Variants in PBXIP1 observed in about 807,000 individuals in gnomAD.
PBXIP1 encodes pre-B-cell leukemia transcription factor-interacting protein 1.
PBXIP1 carries 73 observed loss-of-function variants against 73.7 expected under a neutral mutation model. That is an observed-to-expected ratio of 0.99 (90% CI 0.82 to 1.20). The LOEUF (loss-of-function observed/expected upper bound fraction) is 1.20. Among genes scored for constraint, PBXIP1 ranks in the 50% most tolerant of loss-of-function variants. The pLI is 0.00. For missense variants in PBXIP1, 818 were observed against 911.4 expected (o/e 0.90, Z 1.32); for synonymous variants, 330 against 366.9 (o/e 0.90, Z 1.15).
At position 154,951,673 on chromosome 1, in the gene PBXIP1, C is replaced by A; in HGVS notation, c.178+122G>T. On this transcript the variant is annotated intron_variant, in intron 3 of 10. Transcript: ENST00000368463. This position sits in a 1 kb window ranked among gnomAD's most constrained non-coding sequence, Gnocchi z 4.3. ...GGATGGAATGAGAAAAGGAGTTTGT[C>A]AACTGAGATTAATGGAGGAACTAAA... The A allele has an allele frequency of 7.0e-7, 1 of 1,420,634 alleles. No homozygotes were observed. Among genetic ancestry groups the A allele is most frequent in the South Asian group, 1.2e-5 (1 of 84,464 alleles). 88.0% of individuals were successfully genotyped at this position (1,420,634 alleles called of 1,614,324 possible).
intron 5 of PBXIP1, 45 bp from the exon 6 acceptor site, chr1:154,948,411 T>A (rs914310320): frequency 1.5e-6 from 2 of 1,358,686 alleles, no homozygotes; most frequent in African/African-American, 2.9e-5. Context: ...ACTGGAGAGA[T>A]GGGGAGACAC....
intron 10 of PBXIP1, 69 bp from the exon 11 acceptor site, chr1:154,945,186 A>T: frequency 2.6e-6 from 3 of 1,149,640 alleles, no homozygotes; most frequent in African/African-American, 1.5e-5. Context: ...AGGAGAGAGG[A>T]CCCTGCTCCT....
Position 154,947,511 on chromosome 1 carries a change from G to A in PBXIP1, c.776C>T (p.Pro259Leu), listed in dbSNP as rs1203946852. The A allele has an allele frequency of 3.7e-6, 6 of 1,610,230 alleles. No homozygotes were observed. The highest frequency in any genetic ancestry group is 5.1e-6 in the Non-Finnish European group (6 of 1,177,506). ...LREQLQAPVP[P>L]DSVPSLQNMG... The stretch of plus-strand genomic sequence containing the variant: ...GTTTTGCAGGCTGGGGACACTGTCA[G>A]GAGGCACTGGGGCCTGCAGCTGTTC... Residue 259 changes from proline to leucine, a missense_variant, in exon 9 of 11, where the codon CCT becomes CTT. Transcript: ENST00000368463.
intron 1 of PBXIP1, among the ~76,000 whole-genome samples, chr1:154,954,186 G>A (rs1310651790): frequency 2.0e-5 from 3 of 152,140 alleles, no homozygotes; most frequent in Admixed American, 1.3e-4. Context: ...CACAACACCA[G>A]GTACCTACAC....
chr1:154,947,864 A>T, intron 7 of PBXIP1, 118 bp downstream of exon 7: 3 of 1,365,058 alleles, frequency 2.2e-6, no homozygotes, highest in Non-Finnish European at 3.1e-6. Flanking sequence ...CACCCTGAAC[A>T]GCTGACAAGG....
At chr1:154,945,224 C>T (rs945518085) in intron 10 of PBXIP1, 107 bp from the exon 11 acceptor site, 46 of 813,880 alleles carry the variant, frequency 5.7e-5, no homozygotes, top group Non-Finnish European at 9.1e-5. Context: ...GAGCAGGCAC[C>T]ACCAAGCATA....
At position 154,946,133 on chromosome 1, in the gene PBXIP1, G is replaced by C; in HGVS notation, c.1541C>G (p.Ala514Gly). ...TGGCCTGCCCTCCTTCCACCTTCCT[G>C]CTGGCTCCCTGTCCTCCTGACCTCC... The part of the protein sequence containing the change: ...NWGGQEDREP[A>G]GRWKEGRPRV... Residue 514 changes from alanine (A) to glycine (G), a missense_variant, in exon 10 of 11, where the codon GCA (alanine) becomes GGA (glycine). Physicochemically the swap from Ala to Gly is moderately conservative, Grantham distance 60. Transcript: ENST00000368463. 6.2e-7 allele frequency: 1 copy of C among 1,614,036 alleles called. No individual in the cohort carries two copies. The highest frequency in any genetic ancestry group is 1.1e-5 in the South Asian group (1 of 91,080).
At chr1:154,948,691 T>C (rs898961284) in intron 5 of PBXIP1, among the ~76,000 whole-genome samples, 1 of 152,160 alleles carries the variant, frequency 6.6e-6, no homozygotes, top group African/African-American at 2.4e-5. Flanking sequence ...CCAAACTCTC[T>C]GGCCACTCCT....
At position 154,951,023 on chromosome 1, in the gene PBXIP1, T is replaced by C. The variant is rs996465820; in HGVS notation, c.409+209A>G. The stretch of plus-strand genomic sequence containing the variant: ...CAGAGAGGAAAGAGTCAACCAGATG[T>C]GGGCCCTGCCCCTTACCAGCAGTGT... On this transcript the variant is annotated intron_variant, in intron 5 of 10. Coordinates refer to ENST00000368463, the MANE Select transcript of PBXIP1 (RefSeq NM_020524.4). This position sits in a 1 kb window ranked among gnomAD's most constrained non-coding sequence, Gnocchi z 4.3. Among the ~76,000 whole-genome samples the C allele has an allele frequency of 6.6e-6, 1 of 152,254 alleles. No homozygotes were observed. Among genetic ancestry groups the C allele is most frequent in the Admixed American group, 6.5e-5 (1 of 15,290 alleles).
chr1:154,946,129 TC>T lies in PBXIP1; in HGVS notation c.1544del (p.Gly515GlufsTer64). 6.2e-7 allele frequency: 1 copy of T among 1,614,126 alleles called. No homozygotes were observed. Among genetic ancestry groups the T allele is most frequent in the East Asian group, 2.2e-5 (1 of 44,886 alleles). On this transcript the variant is annotated frameshift_variant, in exon 10 of 11. Transcript: ENST00000368463. LOFTEE classifies it high-confidence loss of function. ...WGGQEDREPA[G>X]RWKEGRPRVE... The stretch of plus-strand genomic sequence containing the variant: ...CCCTTGGCCTGCCCTCCTTCCACCT[TC>T]CTGCTGGCTCCCTGTCCTCCTGACC...
In PBXIP1 at chr1:154,945,659, A is replaced by G; in HGVS notation, c.2015T>C (p.Val672Ala). 6.2e-7 allele frequency: 1 copy of G among 1,614,168 alleles called. No homozygotes were observed. The highest frequency in any genetic ancestry group is 8.5e-7 in the Non-Finnish European group (1 of 1,180,014). ...ALEDSLEEVA[V>A]QQTGDDDEVD... ...TTCATCATCATCACCTGTCTGTTGC[A>G]CAGCCACCTCCTCCAAGCTGTCCTC... Residue 672 changes from valine (V) to alanine (A), a missense_variant, in exon 10 of 11, where the codon GTG becomes GCG. By Grantham distance (64) the Val-to-Ala change is moderately conservative. Coordinates refer to ENST00000368463, the MANE Select transcript of PBXIP1 (RefSeq NM_020524.4).
chr1:154,951,238 T>C lies in PBXIP1; in HGVS notation c.403A>G (p.Lys135Glu), dbSNP rs772595815. 2 of 1,613,890 alleles carry C rather than the reference T, an allele frequency of 1.2e-6. No individual in the cohort carries two copies. Among genetic ancestry groups the C allele is most frequent in the Non-Finnish European group, 1.7e-6 (2 of 1,179,902 alleles). Residue 135 changes from lysine (K) to glutamate (E), a missense_variant, in exon 5 of 11, where the codon AAA (lysine) becomes GAA (glutamate). Physicochemically the swap from Lys to Glu is moderately conservative, Grantham distance 56 (BLOSUM62 1). Coordinates refer to ENST00000368463, the MANE Select transcript of PBXIP1 (RefSeq NM_020524.4). The surrounding 1 kb of genome is among the most constrained non-coding windows in gnomAD (Gnocchi z 4.3). ...AGGCAAGGAAGACTCTCACCTGCTT[T>C]GGGGGTTGAAGGCAGGCTCTGTGGA... ...SPPQSLPSTP[K>E]AAWIREEGRC...
rs759283076 is a variant in PBXIP1, at chr1:154,947,999, A to G, written c.650T>C (p.Leu217Pro). ...GLGVLLFSGG[L>P]SESETGPMEE... ...CTACTCACCAGTCTCAGACTCTGAG[A>G]GGCCACCTAAGGACAGAGACAGAGG... Residue 217 changes from leucine (L) to proline (P), a missense_variant, in exon 7 of 11, where the codon CTC (leucine) becomes CCC (proline). Leu to Pro is a moderately conservative substitution (Grantham distance 98, BLOSUM62 -3). Coordinates refer to ENST00000368463, the MANE Select transcript of PBXIP1 (RefSeq NM_020524.4). The G allele has an allele frequency of 2.5e-5, 41 of 1,613,448 alleles. No individual in the cohort carries two copies. The highest frequency in any genetic ancestry group is 3.5e-5 in the Non-Finnish European group (41 of 1,179,586).
In PBXIP1 at chr1:154,947,627, G is replaced by T; in HGVS notation, c.738+15C>A. Reference sequence around the variant, plus strand: ...CAGCCAGGCCCCACCTGCCTCTGGAGACATTCACACATACCTGCCTGTCCC... The same window carrying T: ...CAGCCAGGCCCCACCTGCCTCTGGATACATTCACACATACCTGCCTGTCCC... On this transcript the variant is annotated intron_variant, in intron 8 of 10. Transcript: ENST00000368463. The T allele has an allele frequency of 1.2e-6, 2 of 1,613,522 alleles. No homozygotes were observed. The highest frequency in any genetic ancestry group is 1.7e-6 in the Non-Finnish European group (2 of 1,179,698).
Position 154,951,273 on chromosome 1 carries a change from C to T in PBXIP1, c.368G>A (p.Gly123Asp), listed in dbSNP as rs200220773. 3.1e-6 allele frequency: 5 copies of T among 1,614,022 alleles called. No homozygotes were observed. Among genetic ancestry groups the T allele is most frequent in the Non-Finnish European group, 4.2e-6 (5 of 1,180,022 alleles). Residue 123 changes from glycine (G) to aspartate (D), a missense_variant, in exon 5 of 11, where the codon GGC becomes GAC. By Grantham distance (94) the Gly-to-Asp change is moderately conservative. Coordinates refer to ENST00000368463, the MANE Select transcript of PBXIP1 (RefSeq NM_020524.4). The surrounding 1 kb of genome is among the most constrained non-coding windows in gnomAD (Gnocchi z 4.3). ...AGGCAGGCTCTGTGGAGGGCTCTGGCCTTCCAGGTCCTGTGTGTCTGGTCC... is the reference window on the plus strand; with the variant it reads ...AGGCAGGCTCTGTGGAGGGCTCTGGTCTTCCAGGTCCTGTGTGTCTGGTCC... ...GLGPDTQDLE[G>D]QSPPQSLPST...
intron 1 of PBXIP1, 26 bp from the exon 2 acceptor site, chr1:154,953,783 T>C (rs1023415781): frequency 2.7e-6 from 4 of 1,497,958 alleles, no homozygotes; most frequent in Non-Finnish European, 2.8e-6. Context: ...CTCTTAAGGA[T>C]GGGAGCTCCC....
chr1:154,955,007 C>T, intron 1 of PBXIP1: 2 of 980,116 alleles, frequency 2.0e-6, no homozygotes, highest in South Asian at 4.7e-5. Flanking sequence ...TCAAGTCCTG[C>T]GTGGTGCCCT....
At chr1:154,945,511 C>T in intron 10 of PBXIP1, 61 bp downstream of exon 10, 3 of 1,518,144 alleles carry the variant, frequency 2.0e-6, no homozygotes, top group Non-Finnish European at 2.7e-6. Flanking sequence ...ATGATCCTTG[C>T]TCTTCACATC....
In PBXIP1 at chr1:154,946,212, C is replaced by T. The variant is rs747146952; in HGVS notation, c.1462G>A (p.Glu488Lys). The change falls in exon 10 of 11, where the codon GAG becomes AAG. Residue 488 changes from glutamate (E) to lysine (K), a missense_variant. By Grantham distance (56) the Glu-to-Lys change is moderately conservative. Coordinates refer to ENST00000368463, the MANE Select transcript of PBXIP1 (RefSeq NM_020524.4). ...TCTTCCTTCTTATGTTTCCAGTGCT[C>T]AGCCTTCCGGTCTCTCTGCCCATCC... ...WWDGQRDRKAEHWKHKKEESG... is the reference protein window; with the variant it reads ...WWDGQRDRKAKHWKHKKEESG... 20 of 1,614,172 alleles carry T rather than the reference C, an allele frequency of 1.2e-5. No homozygotes were observed. Among genetic ancestry groups the T allele is most frequent in the Non-Finnish European group, 1.7e-5 (20 of 1,180,044 alleles).
Sources: gnomAD v4.1 joint callset for allele counts (sites outside exome capture counted in the v4.1 genomes callset) on GRCh38, gnomAD v4.1.1 for gene constraint, Gnocchi (gnomAD v3.1) non-coding constraint, MANE v1.5 for transcripts, NCBI Gene and HGNC (gene_info 2026-07-23, HGNC 2026-07-21) for gene names.